The following CNTNAP5 variants were observed in gnomAD, a reference collection of about 807,000 sequenced individuals.
CNTNAP5 encodes contactin-associated protein-like 5.
In CNTNAP5, 72 loss-of-function variants were observed where a neutral mutation model predicts 150.2. That is an observed-to-expected ratio of 0.48 (90% confidence interval 0.40 to 0.58). CNTNAP5 has a LOEUF of 0.58. Ranked by LOEUF, CNTNAP5 falls within the 20% of genes least tolerant of loss-of-function variation. CNTNAP5 has a pLI of 0.00. For synonymous variants in CNTNAP5, 672 were observed against 619.8 expected (o/e 1.08, Z -1.25); for missense variants, 1,636 against 1,626.2 (o/e 1.01, Z -0.10).
intron 19 of CNTNAP5, among the ~76,000 whole-genome samples, chr2:124,853,834 G>A (rs1427911648): frequency 2.0e-5 from 3 of 151,986 alleles, no homozygotes; most frequent in African/African-American, 7.2e-5. Flanking sequence ...GTAGGCCCTG[G>A]CATCTTTTGT....
chr2:124,913,006 T>G (rs1186882135), intron 23 of CNTNAP5, among the ~76,000 whole-genome samples: 1 of 152,098 alleles, frequency 6.6e-6, no homozygotes, highest in Admixed American at 6.6e-5. Flanking sequence ...TAGGAACATA[T>G]ATTTATAAAA....
intron 4 of CNTNAP5, among the ~76,000 whole-genome samples, chr2:124,422,522 T>G (rs1035163997): frequency 1.3e-5 from 2 of 152,222 alleles, no homozygotes; most frequent in Admixed American, 6.5e-5. Context: ...TAACATCTGC[T>G]TCCCCTGACT....
chr2:124,162,003 G>C (rs750352470), intron 1 of CNTNAP5, among the ~76,000 whole-genome samples: 10 of 152,142 alleles, frequency 6.6e-5, no homozygotes, highest in Non-Finnish European at 1.2e-4. Flanking sequence ...AAAAAGGGTA[G>C]CAGATGCACA....
intron 21 of CNTNAP5, among the ~76,000 whole-genome samples, chr2:124,893,225 G>A (rs1251039525): frequency 1.3e-5 from 2 of 152,064 alleles, no homozygotes; most frequent in African/African-American, 2.4e-5. Flanking sequence ...CTTATTTAAT[G>A]TCTTTTGTTT....
At chr2:124,738,418 G>A (rs1680431807) in intron 13 of CNTNAP5, among the ~76,000 whole-genome samples, 1 of 152,100 alleles carries the variant, frequency 6.6e-6, no homozygotes, top group Non-Finnish European at 1.5e-5. Context: ...GTTATTTCAT[G>A]ATGTTTCCAG....
chr2:124,052,978 G>T (rs114572281), intron 1 of CNTNAP5, among the ~76,000 whole-genome samples: 1 of 151,974 alleles, frequency 6.6e-6, no homozygotes, highest in Admixed American at 6.5e-5. Flanking sequence ...TCAGAAAGTC[G>T]TCCAGAAAGT....
intron 10 of CNTNAP5, among the ~76,000 whole-genome samples, chr2:124,560,198 C>G (rs1047780354): frequency 6.6e-6 from 1 of 152,266 alleles, no homozygotes; most frequent in Non-Finnish European, 1.5e-5. Flanking sequence ...ATTTTGTAAT[C>G]TTTTGTTTTA....
At chr2:124,377,054 CA>C (rs1384720368) in intron 3 of CNTNAP5, among the ~76,000 whole-genome samples, 3 of 151,934 alleles carry the variant, frequency 2.0e-5, no homozygotes, top group African/African-American at 7.3e-5. Context: ...GTGTGAGGGA[CA>C]AAATAAAAGT....
chr2:124,570,372 G>A (rs1215295715), intron 11 of CNTNAP5, among the ~76,000 whole-genome samples: 1 of 152,112 alleles, frequency 6.6e-6, no homozygotes, highest in Non-Finnish European at 1.5e-5. Context: ...CATGAGCAAA[G>A]GCAAAGTGAC....
intron 1 of CNTNAP5, among the ~76,000 whole-genome samples, chr2:124,057,448 A>ATTTTTTTTTTATTT (rs1681883341): frequency 1.6e-5 from 1 of 62,828 alleles, no homozygotes; most frequent in Non-Finnish European, 2.7e-5. Flanking sequence ...CGGCCAGCTA[A>ATTTTTTTTTTATTT]TTTTTTTTTT....
At position 124,837,064 on chromosome 2, in the gene CNTNAP5, A is replaced by C. The variant is rs1682844715; in HGVS notation, c.3218-28242A>C. 2.6e-5 allele frequency among the ~76,000 whole-genome samples: 4 copies of C among 151,890 alleles called. No homozygotes were observed. In the South Asian group the frequency reaches 8.3e-4, roughly 32 times the overall value. On this transcript the variant is annotated intron_variant, in intron 19 of 23. Transcript: ENST00000682447. ...GGATCGTGAACTATTCACAGGCCTG[A>C]TTTTACCAGAGTGGAACTGAGTATG...
Position 124,123,035 on chromosome 2 carries a change from T to G in CNTNAP5, c.82+97303T>G, listed in dbSNP as rs577276721. 3.5e-3 allele frequency among the ~76,000 whole-genome samples: 538 copies of G among 152,136 alleles called. 4 individuals are homozygous for G. Among genetic ancestry groups the G allele is most frequent in the African/African-American group, 0.012 (500 of 41,496 alleles). On this transcript the variant is annotated intron_variant, in intron 1 of 23. Coordinates refer to ENST00000682447, the MANE Select transcript of CNTNAP5 (RefSeq NM_001367498.1). ...GACGGGTGATTTCTGCATTTCCAAC[T>G]GAGGTACCGGGTTCATCTCACTGGG... is the stretch of plus-strand genomic sequence containing the variant.
intron 21 of CNTNAP5, among the ~76,000 whole-genome samples, chr2:124,888,919 G>T (rs1462753403): frequency 1.3e-5 from 2 of 151,686 alleles, no homozygotes; most frequent in Non-Finnish European, 2.9e-5. Flanking sequence ...GATTTCTTTT[G>T]CTGTGCAGAA....
chr2:124,527,342 G>C lies in CNTNAP5; in HGVS notation c.1535G>C (p.Gly512Ala). 6.2e-7 allele frequency: 1 copy of C among 1,613,586 alleles called. No homozygotes were observed. The highest frequency in any genetic ancestry group is 8.5e-7 in the Non-Finnish European group (1 of 1,179,674). ...TTAAATCCCATTAAGGCTTTCCAAG[G>C]CTGCATGAGGCTCATCTTTATTGAT... ...QCLNPIKAFQ[G>A]CMRLIFIDNQ... Residue 512 changes from glycine (G) to alanine (A), a missense_variant, in exon 10 of 24, where the codon GGC (glycine) becomes GCC (alanine). Gly to Ala is a moderately conservative substitution (Grantham distance 60). Coordinates refer to ENST00000682447, the MANE Select transcript of CNTNAP5 (RefSeq NM_001367498.1).
chr2:124,886,951 A>G (rs1678094164), intron 21 of CNTNAP5, among the ~76,000 whole-genome samples: 1 of 152,012 alleles, frequency 6.6e-6, no homozygotes, highest in Non-Finnish European at 1.5e-5. Flanking sequence ...CATTTGAAAT[A>G]TATCATTACT....
At chr2:124,065,427 A>G (rs547060554) in intron 1 of CNTNAP5, among the ~76,000 whole-genome samples, 20 of 149,956 alleles carry the variant, frequency 1.3e-4, no homozygotes, top group Admixed American at 1.0e-3. Flanking sequence ...AAGGTAATTT[A>G]TTTAATGTAT....
intron 13 of CNTNAP5, among the ~76,000 whole-genome samples, chr2:124,680,563 G>C (rs1213632199): frequency 2.6e-5 from 4 of 151,788 alleles, no homozygotes; most frequent in African/African-American, 7.2e-5. Context: ...TGTATACCAA[G>C]TCCAAAATCT....
At position 124,139,288 on chromosome 2, in the gene CNTNAP5, ACAC is replaced by A. The variant is rs1303296572; in HGVS notation, c.83-82416_83-82414del. Among the ~76,000 whole-genome samples, 30 of 151,970 alleles carry A rather than the reference ACAC, an allele frequency of 2.0e-4. No individual in the cohort carries two copies. The East Asian group carries it at 5.4e-3, about 27-fold the overall frequency. ...AACACACACACACACACACACACACACACACAATGCTGTTTCAAGAGACAAAAA... is the reference window on the plus strand; with the variant it reads ...AACACACACACACACACACACACACAACAATGCTGTTTCAAGAGACAAAAA... On this transcript the variant is annotated intron_variant, in intron 1 of 23. Transcript: ENST00000682447.
rs559410844 is a variant in CNTNAP5 at position 124,332,489 on chromosome 2, A to G, written c.382-84954A>G. Among the ~76,000 whole-genome samples the G allele has an allele frequency of 1.4e-3, 217 of 151,556 alleles. 1 individual carries two copies. Among genetic ancestry groups the G allele is most frequent in the African/African-American group, 5.1e-3 (211 of 41,556 alleles). ...CAATGTGGAATAGTACATATTTACT[A>G]ACTGGCCCAAATATATTTTGTCTTT... On this transcript the variant is annotated intron_variant, in intron 3 of 23. Coordinates refer to ENST00000682447, the MANE Select transcript of CNTNAP5 (RefSeq NM_001367498.1).
Sources: gnomAD v4.1 joint callset for allele counts (sites outside exome capture counted in the v4.1 genomes callset) on GRCh38, gnomAD v4.1.1 for gene constraint, MANE v1.5 for transcripts, NCBI Gene and HGNC (gene_info 2026-07-23, HGNC 2026-07-21) for gene names.